FAM110B: variants seen among roughly 807,000 people sequenced by gnomAD.
FAM110B encodes protein FAM110B.
FAM110B carries 6 observed loss-of-function variants against 20.4 expected under a neutral mutation model. That is an observed-to-expected ratio of 0.29 (90% CI 0.16 to 0.58). The LOEUF (loss-of-function observed/expected upper bound fraction) is 0.58, where lower values mean the gene tolerates loss of function less well. FAM110B is among the 20% of genes least tolerant of loss of function. The probability of loss-of-function intolerance (pLI) is 0.90; values close to 1 mark genes in which losing one functional copy is unlikely to be tolerated. For synonymous variants in FAM110B, 226 were observed against 214.1 expected (o/e 1.06, Z -0.49); for missense variants, 434 against 498.2 (o/e 0.87, Z 1.23).
At chr8:58,108,655 C>T (rs929952360) in intron 3 of FAM110B, among the ~76,000 whole-genome samples, 2 of 152,200 alleles carry the variant, frequency 1.3e-5, no homozygotes, top group Non-Finnish European at 1.5e-5. Context: ...GCTCCATGAC[C>T]GTCCTCAGGC....
At chr8:58,114,904 T>C (rs1287755592) in intron 3 of FAM110B, among the ~76,000 whole-genome samples, 3 of 152,186 alleles carry the variant, frequency 2.0e-5, no homozygotes, top group Non-Finnish European at 4.4e-5. Flanking sequence ...CCGTGTTGTG[T>C]TGCCCTCTGA....
At chr8:58,028,185 C>T (rs1322709612) in intron 1 of FAM110B, among the ~76,000 whole-genome samples, 1 of 152,190 alleles carries the variant, frequency 6.6e-6, no homozygotes, top group Non-Finnish European at 1.5e-5. Context: ...CTCACTGCAG[C>T]CTCCACCTCC....
rs558976193 is a variant in FAM110B, at chr8:58,129,163, C to T, written c.-324-16744C>T. Among the ~76,000 whole-genome samples, 30 of 152,266 alleles carry T rather than the reference C, an allele frequency of 2.0e-4. No individual in the cohort carries two copies. The South Asian group carries it at 2.1e-3, about 11-fold the overall frequency. On this transcript the variant is annotated intron_variant, in intron 3 of 3. Transcript: ENST00000519262. ...GAAAGAAGAATGTCACAAAAGAGTT[C>T]GATCCCCTCTAGGCTAATGGAAGGG...
rs60027491 is a variant in FAM110B, at chr8:58,103,002, GAAA to G, written c.-325+27399_-325+27401del. The stretch of plus-strand genomic sequence containing the variant: ...TATTATATAGTACAATGCTTGTTAT[GAAA>G]AAAAAAAAAAAAAAAAAAAGGCCAA... On this transcript the variant is annotated intron_variant, in intron 3 of 3. Transcript: ENST00000519262. Among the ~76,000 whole-genome samples the G allele has an allele frequency of 8.1e-3, 804 of 99,248 alleles. 6 individuals carry two copies. The highest frequency in any genetic ancestry group is 0.025 in the African/African-American group (743 of 29,646). The allele number at this position is 99,248 out of a possible 152,430, so 65.1% of individuals were successfully genotyped here. A position where few individuals can be genotyped will look rare whatever the true frequency, so the allele number is the denominator to read the frequency against.
At chr8:58,008,126 ATTTTTT>A (rs71248160) in intron 1 of FAM110B, among the ~76,000 whole-genome samples, 2 of 115,990 alleles carry the variant, frequency 1.7e-5, no homozygotes, top group Non-Finnish European at 3.5e-5. Flanking sequence ...AAAAGCTTGC[ATTTTTT>A]TTTTTTTTTT....
At chr8:58,110,652 A>G (rs1040743988) in intron 3 of FAM110B, among the ~76,000 whole-genome samples, 2 of 152,172 alleles carry the variant, frequency 1.3e-5, no homozygotes, top group African/African-American at 4.8e-5. Flanking sequence ...CAGAAAAATT[A>G]TTTCAGAACT....
Position 58,045,677 on chromosome 8 carries a change from A to G in FAM110B, c.-414+13974A>G, listed in dbSNP as rs367715563. Among the ~76,000 whole-genome samples, 15 of 152,358 alleles carry G rather than the reference A, an allele frequency of 9.8e-5. No homozygotes were observed. The East Asian group carries it at 2.5e-3, about 25-fold the overall frequency. On this transcript the variant is annotated intron_variant, in intron 2 of 3. Coordinates refer to ENST00000519262, the MANE Select transcript of FAM110B (RefSeq NM_001377989.1). Reference sequence around the variant, plus strand: ...GGATAAAATTCAAAAGTCATCGGCCATCTGTGAAAACCACTGCACTATGGA... The same window carrying G: ...GGATAAAATTCAAAAGTCATCGGCCGTCTGTGAAAACCACTGCACTATGGA...
At chr8:58,011,179 A>G (rs1804525676) in intron 1 of FAM110B, among the ~76,000 whole-genome samples, 2 of 152,188 alleles carry the variant, frequency 1.3e-5, no homozygotes, top group Admixed American at 1.3e-4. Context: ...TTTCTCAACT[A>G]AGAAAGACCC....
intron 3 of FAM110B, among the ~76,000 whole-genome samples, chr8:58,082,173 A>G (rs374450352): frequency 2.2e-4 from 34 of 152,310 alleles, no homozygotes; most frequent in African/African-American, 8.2e-4. Flanking sequence ...CTGAAGAGGA[A>G]TGAAGTGATT....
chr8:58,013,412 C>G (rs1347831315), intron 1 of FAM110B, among the ~76,000 whole-genome samples: 1 of 152,140 alleles, frequency 6.6e-6, no homozygotes. Flanking sequence ...GCCTGGCGCA[C>G]TTTTTGGGGC....
rs72660389 is a variant in FAM110B at position 58,079,563 on chromosome 8, G to A, written c.-325+3940G>A. On this transcript the variant is annotated intron_variant, in intron 3 of 3. Transcript: ENST00000519262. Reference sequence around the variant, plus strand: ...AGGCTGAGTTAGGAAGATCGCTTCAGACCAGGAGGTCAAGACCAGCCTGAG... The same window carrying A: ...AGGCTGAGTTAGGAAGATCGCTTCAAACCAGGAGGTCAAGACCAGCCTGAG... Among the ~76,000 whole-genome samples, 194 of 152,254 alleles carry A rather than the reference G, an allele frequency of 1.3e-3. 1 individual carries two copies. The highest frequency in any genetic ancestry group is 4.8e-3 in the Admixed American group (73 of 15,296).
intron 3 of FAM110B, among the ~76,000 whole-genome samples, chr8:58,136,160 T>C (rs1231414449): frequency 2.0e-5 from 3 of 151,986 alleles, no homozygotes; most frequent in South Asian, 4.2e-4. Flanking sequence ...TACAGGCACG[T>C]GCCACCACGC....
intron 3 of FAM110B, among the ~76,000 whole-genome samples, chr8:58,082,429 C>G (rs924072580): frequency 6.6e-6 from 1 of 152,178 alleles, no homozygotes; most frequent in Non-Finnish European, 1.5e-5. Context: ...ATGTTGGCTT[C>G]TTATCCTTTA....
intron 3 of FAM110B, among the ~76,000 whole-genome samples, chr8:58,107,112 G>A (rs761899560): frequency 4.6e-5 from 7 of 151,836 alleles, no homozygotes; most frequent in Non-Finnish European, 7.4e-5. Flanking sequence ...TACTGTTGCC[G>A]TCTGGATTTT....
intron 2 of FAM110B, among the ~76,000 whole-genome samples, chr8:58,047,654 C>T (rs1399993392): frequency 2.2e-5 from 3 of 137,742 alleles, no homozygotes; most frequent in Admixed American, 7.4e-5. Context: ...TAAATCAAGT[C>T]ACGGTCCTTA....
chr8:58,055,110 G>A (rs2150582619), intron 2 of FAM110B, among the ~76,000 whole-genome samples: 1 of 152,288 alleles, frequency 6.6e-6, no homozygotes, highest in East Asian at 1.9e-4. Context: ...TTGAGAGTTT[G>A]GGTTTTCAGT....
At chr8:58,032,781 C>T (rs562885873) in intron 2 of FAM110B, 13 of 152,138 alleles carry the variant, frequency 8.5e-5, no homozygotes, top group Non-Finnish European at 1.5e-4. Context: ...AACCTGGACT[C>T]GTGTGGCAAG....
At chr8:58,017,757 T>A (rs1307219722) in intron 1 of FAM110B, among the ~76,000 whole-genome samples, 1 of 152,206 alleles carries the variant, frequency 6.6e-6, no homozygotes, top group Non-Finnish European at 1.5e-5. Flanking sequence ...ATTTTTGATA[T>A]CTGGTTTGAT....
intron 2 of FAM110B, among the ~76,000 whole-genome samples, chr8:58,048,847 T>C (rs1403447012): frequency 1.3e-5 from 2 of 152,196 alleles, no homozygotes; most frequent in African/African-American, 4.8e-5. Flanking sequence ...AGGAATGATT[T>C]TCAGTGGTAG....
Sources: allele counts gnomAD v4.1 joint callset (sites outside exome capture counted in the v4.1 genomes callset), GRCh38; gene constraint gnomAD v4.1.1; transcripts MANE v1.5; gene names NCBI Gene and HGNC (gene_info 2026-07-23, HGNC 2026-07-21).